The following MECOM variants were observed in gnomAD, a reference collection of about 807,000 sequenced individuals.
The protein encoded by MECOM is histone-lysine N-methyltransferase MECOM.
In MECOM, 13 loss-of-function variants were observed where a neutral mutation model predicts 116.3. The observed-to-expected ratio is 0.11, with a 90% CI of 0.07 to 0.18. The LOEUF is 0.18. Ranked by LOEUF, MECOM falls within the 10% of genes least tolerant of loss-of-function variation. The pLI is 1.00. For synonymous variants in MECOM, 528 were observed against 535.2 expected (o/e 0.99, Z 0.19); for missense variants, 1,299 against 1,509.0 (o/e 0.86, Z 2.31).
At chr3:169,641,278 G>C (rs746108515) in intron 1 of MECOM, among the ~76,000 whole-genome samples, 6 of 152,206 alleles carry the variant, frequency 3.9e-5, no homozygotes, top group Non-Finnish European at 8.8e-5. Context: ...AGCACTTGGA[G>C]TTACCTCAGG....
intron 1 of MECOM, among the ~76,000 whole-genome samples, chr3:169,469,552 C>T (rs1748855134): frequency 6.6e-6 from 1 of 152,020 alleles, no homozygotes. Flanking sequence ...AATAGTCCTT[C>T]TGAAAAACTA....
chr3:169,482,372 C>T (rs1352953458), intron 1 of MECOM, among the ~76,000 whole-genome samples: 3 of 134,618 alleles, frequency 2.2e-5, no homozygotes, highest in Non-Finnish European at 4.6e-5. Context: ...CGCTCTGTGG[C>T]CCAGGCTGGA....
At chr3:169,185,387 G>A (rs147739794) in intron 2 of MECOM, among the ~76,000 whole-genome samples, 11 of 152,262 alleles carry the variant, frequency 7.2e-5, no homozygotes, top group Non-Finnish European at 1.5e-4. Flanking sequence ...ATTGTCCCAC[G>A]AAAGTTATGG....
At chr3:169,557,551 G>C (rs1762182783) in intron 1 of MECOM, among the ~76,000 whole-genome samples, 1 of 152,200 alleles carries the variant, frequency 6.6e-6, no homozygotes, top group Non-Finnish European at 1.5e-5. Context: ...TGGAATACTG[G>C]AGGCAGATGA....
chr3:169,617,915 T>C (rs183644504), intron 1 of MECOM, among the ~76,000 whole-genome samples: 2 of 152,278 alleles, frequency 1.3e-5, no homozygotes, highest in African/African-American at 4.8e-5. Context: ...CTGTCTCCCC[T>C]CTCCTGTCTC....
intron 1 of MECOM, among the ~76,000 whole-genome samples, chr3:169,640,595 T>C (rs1391515416): frequency 6.6e-6 from 1 of 152,192 alleles, no homozygotes; most frequent in Non-Finnish European, 1.5e-5. Flanking sequence ...ACAGAGGTCA[T>C]AGAACTGAAG....
intron 2 of MECOM, among the ~76,000 whole-genome samples, chr3:169,324,766 G>C (rs1217249803): frequency 6.6e-6 from 1 of 152,174 alleles, no homozygotes; most frequent in East Asian, 1.9e-4. Flanking sequence ...GAGGACAGTG[G>C]GCTGGGGCTA....
At position 169,097,616 on chromosome 3, in the gene MECOM, A is replaced by AT. The variant is rs545734409; in HGVS notation, c.2850-2372dup. 4.6e-5 allele frequency among the ~76,000 whole-genome samples: 7 copies of AT among 151,940 alleles called. No homozygotes were observed. The East Asian group carries it at 7.8e-4, about 17-fold the overall frequency. On this transcript the variant is annotated intron_variant, in intron 12 of 16. Transcript: ENST00000651503. The stretch of plus-strand genomic sequence containing the variant: ...AGGCAATTAGCATATGTAAATCTGA[A>AT]TTTTTTCATTTGTAAAACAGAGGGG...
chr3:169,404,012 A>G (rs968692710), intron 1 of MECOM, among the ~76,000 whole-genome samples: 1 of 152,132 alleles, frequency 6.6e-6, no homozygotes, highest in African/African-American at 2.4e-5. Flanking sequence ...TTGGCTGCCA[A>G]ATATTTTTGC....
intron 2 of MECOM, among the ~76,000 whole-genome samples, chr3:169,346,732 C>T (rs142377975): frequency 2.8e-4 from 42 of 152,144 alleles, no homozygotes; most frequent in African/African-American, 9.9e-4. Context: ...CTCCAAGACA[C>T]TACTTAGTTA....
intron 1 of MECOM, among the ~76,000 whole-genome samples, chr3:169,638,160 T>C (rs539886887): frequency 6.6e-6 from 1 of 152,320 alleles, no homozygotes; most frequent in South Asian, 2.1e-4. Flanking sequence ...TTTTTCTCCA[T>C]TGACTTGCCT....
intron 1 of MECOM, chr3:169,483,632 A>G (rs1751703137): frequency 7.2e-7 from 1 of 1,389,200 alleles, no homozygotes; most frequent in African/African-American, 1.5e-5. Flanking sequence ...CCCAAGTTTT[A>G]TTCAAGAACT....
chr3:169,220,483 A>C (rs1475245239), intron 2 of MECOM, among the ~76,000 whole-genome samples: 2 of 151,378 alleles, frequency 1.3e-5, no homozygotes. Flanking sequence ...TATTTTTATT[A>C]TTATTTTTTG....
At chr3:169,278,942 T>C (rs1337601222) in intron 2 of MECOM, among the ~76,000 whole-genome samples, 1 of 152,238 alleles carries the variant, frequency 6.6e-6, no homozygotes, top group Non-Finnish European at 1.5e-5. Context: ...ATTCCAAATA[T>C]GAACTATGTT....
chr3:169,217,601 T>G (rs1577373439), intron 2 of MECOM, among the ~76,000 whole-genome samples: 4 of 151,832 alleles, frequency 2.6e-5, no homozygotes, highest in Non-Finnish European at 5.9e-5. Flanking sequence ...CTGGCTAACA[T>G]GGCAAAACCC....
At chr3:169,497,434 C>T (rs1038805062) in intron 1 of MECOM, among the ~76,000 whole-genome samples, 3 of 151,868 alleles carry the variant, frequency 2.0e-5, no homozygotes, top group African/African-American at 7.3e-5. Context: ...CAACCTCTGC[C>T]TCCTGGGTTC....
chr3:169,362,352 A>G (rs1325480949), intron 2 of MECOM, among the ~76,000 whole-genome samples: 2 of 151,916 alleles, frequency 1.3e-5, no homozygotes, highest in Non-Finnish European at 2.9e-5. Flanking sequence ...GCTACAAGAG[A>G]CCTGAGTGAG....
intron 1 of MECOM, among the ~76,000 whole-genome samples, chr3:169,433,512 A>C (rs1262290368): frequency 6.6e-6 from 1 of 151,348 alleles, no homozygotes; most frequent in Admixed American, 6.6e-5. Context: ...AAGAAAGAAA[A>C]GAAAGACAAA....
chr3:169,477,105 G>GTGTGTATATA (rs1216311292), intron 1 of MECOM: 1 of 59,546 alleles, frequency 1.7e-5, no homozygotes, highest in Non-Finnish European at 2.9e-5. Flanking sequence ...GTGTGTGTGT[G>GTGTGTATATA]TATATATATA....
Sources: allele counts gnomAD v4.1 joint callset (sites outside exome capture counted in the v4.1 genomes callset), GRCh38; gene constraint gnomAD v4.1.1; transcripts MANE v1.5; gene names NCBI Gene and HGNC (gene_info 2026-07-23, HGNC 2026-07-21).